The following DNAH6 variants were observed in gnomAD, a reference collection of about 807,000 sequenced individuals.
DNAH6 encodes the protein axonemal beta dynein heavy chain 6.
DNAH6 carries 340 observed loss-of-function variants against 491.4 expected under a neutral mutation model. That is an observed-to-expected ratio of 0.69 (90% CI 0.63 to 0.76). The LOEUF is 0.76. DNAH6 is among the 30% of genes least tolerant of loss of function. DNAH6 has a pLI of 0.00. For synonymous variants in DNAH6, 1,603 were observed against 1,686.1 expected, an observed-to-expected ratio of 0.95 and a Z score of 1.21; for missense variants, 4,443 against 4,972.2, an observed-to-expected ratio of 0.89 and a Z score of 3.20.
chr2:84,573,686 T>C, intron 12 of DNAH6, 99 bp downstream of exon 12: 1 of 1,082,874 alleles, frequency 9.2e-7, no homozygotes, highest in Non-Finnish European at 1.3e-6. Context: ...ACACAAATGG[T>C]AGCCCAAAAG....
chr2:84,460,525 A>C, the DNAH6 span, among the ~76,000 whole-genome samples: 3 of 152,258 alleles, frequency 2.0e-5, no homozygotes, highest in Non-Finnish European at 4.4e-5. Flanking sequence ...CATGATGACA[A>C]AAAATATAAT....
intron 68 of DNAH6, among the ~76,000 whole-genome samples, chr2:84,790,439 G>A (rs1677627918): frequency 6.6e-6 from 1 of 152,078 alleles, no homozygotes; most frequent in African/African-American, 2.4e-5. Flanking sequence ...CATCAAGAAA[G>A]TGAAAAGGCA....
chr2:84,518,481 A>G (rs1291737090), intron 2 of DNAH6, among the ~76,000 whole-genome samples: 2 of 152,244 alleles, frequency 1.3e-5, no homozygotes, highest in Non-Finnish European at 2.9e-5. Context: ...ATTTTTAGAA[A>G]CCATTTATGC....
At chr2:84,585,565 G>A (rs556348596) in intron 15 of DNAH6, among the ~76,000 whole-genome samples, 1 of 152,068 alleles carries the variant, frequency 6.6e-6, no homozygotes, top group Non-Finnish European at 1.5e-5. Context: ...CTCTCTGCAG[G>A]CAGGTTGTCC....
chr2:84,771,569 A>C (rs1675625131), intron 64 of DNAH6, among the ~76,000 whole-genome samples: 1 of 152,224 alleles, frequency 6.6e-6, no homozygotes, highest in Non-Finnish European at 1.5e-5. Flanking sequence ...TAATCCTGAA[A>C]GCAGCAAGAG....
intron 33 of DNAH6, among the ~76,000 whole-genome samples, chr2:84,642,855 T>G (rs1225951050): frequency 2.0e-5 from 3 of 152,184 alleles, no homozygotes; most frequent in Non-Finnish European, 4.4e-5. Context: ...CAGGCATATA[T>G]AATCAAATAC....
chr2:84,585,421 G>A (rs1391776777), intron 15 of DNAH6, among the ~76,000 whole-genome samples: 2 of 152,190 alleles, frequency 1.3e-5, no homozygotes, highest in Non-Finnish European at 2.9e-5. Flanking sequence ...TGGAGGGTGA[G>A]CAAGATGAAG....
At chr2:84,649,534 A>T (rs1458563963) in intron 33 of DNAH6, among the ~76,000 whole-genome samples, 2 of 152,038 alleles carry the variant, frequency 1.3e-5, no homozygotes, top group South Asian at 4.1e-4. Context: ...TTCCAGAGGG[A>T]TATTTCCCCT....
At chr2:84,642,191 G>A (rs1689479726) in intron 33 of DNAH6, 137 bp downstream of exon 33, 4 of 648,114 alleles carry the variant, frequency 6.2e-6, no homozygotes, top group Admixed American at 5.9e-5. Context: ...TGCAGTTTAA[G>A]AAATACTCAT....
At chr2:84,524,390 T>C (rs970168060) in intron 2 of DNAH6, among the ~76,000 whole-genome samples, 2 of 151,864 alleles carry the variant, frequency 1.3e-5, no homozygotes, top group Non-Finnish European at 2.9e-5. Context: ...TTGGGTCTTG[T>C]TTTTTTAATC....
intron 62 of DNAH6, among the ~76,000 whole-genome samples, chr2:84,735,365 G>A (rs79110598): frequency 0.037 from 5,649 of 152,214 alleles, 122 homozygotes; most frequent in Middle Eastern, 0.092. Flanking sequence ...ACATGAGTGC[G>A]GGTGTGTTTT....
At chr2:84,708,244 C>T (rs1696662867) in intron 54 of DNAH6, among the ~76,000 whole-genome samples, 1 of 151,694 alleles carries the variant, frequency 6.6e-6, no homozygotes, top group African/African-American at 2.4e-5. Flanking sequence ...TCAAGAGCAG[C>T]CTGGCCAACA....
At chr2:84,499,887 GTTT>G in the DNAH6 span, among the ~76,000 whole-genome samples, 1 of 147,514 alleles carries the variant, frequency 6.8e-6, no homozygotes, top group African/African-American at 2.5e-5. Flanking sequence ...CAGGTTATTA[GTTT>G]TTTTTTTTTT....
upstream of DNAH6, among the ~76,000 whole-genome samples, chr2:84,514,861 C>CACA (rs1553405923): frequency 2.3e-5 from 1 of 43,572 alleles, no homozygotes; most frequent in African/African-American, 1.1e-4. Context: ...CCCCACTTCA[C>CACA]CACAGTCACA....
chr2:84,654,008 G>A, intron 34 of DNAH6, 134 bp downstream of exon 34: 1 of 710,912 alleles, frequency 1.4e-6, no homozygotes, highest in Non-Finnish European at 2.2e-6. Context: ...TACTTATTAA[G>A]TCATCCTTTT....
intron 70 of DNAH6, 140 bp from the exon 71 acceptor site, chr2:84,805,525 C>A: frequency 9.7e-6 from 7 of 720,762 alleles, no homozygotes; most frequent in East Asian, 6.5e-5. Flanking sequence ...GTTAATTGTT[C>A]TTACCACAAT....
At chr2:84,495,854 G>C in the DNAH6 span, among the ~76,000 whole-genome samples, 1 of 152,198 alleles carries the variant, frequency 6.6e-6, no homozygotes, top group Admixed American at 6.5e-5. Context: ...TCTTTGAGAG[G>C]TGATTGGTCA....
At chr2:84,501,896 T>C in the DNAH6 span, among the ~76,000 whole-genome samples, 1 of 152,028 alleles carries the variant, frequency 6.6e-6, no homozygotes, top group South Asian at 2.1e-4. Flanking sequence ...TTTCTGATCT[T>C]ACTTATTGGG....
In DNAH6 at chr2:84,705,721, A is replaced by G. The variant is rs1293612069; in HGVS notation, c.8701A>G (p.Lys2901Glu). ...YSRVVKVVEP[K>E]RQKLRAAQAE... Reference sequence around the variant, plus strand: ...TCGAGTGGTCAAGGTCGTCGAACCAAAAAGACAAAAGCTCCGCGCCGCACA... The same window carrying G: ...TCGAGTGGTCAAGGTCGTCGAACCAGAAAGACAAAAGCTCCGCGCCGCACA... The change falls in exon 52 of 77, where the codon AAA becomes GAA. Residue 2901 changes from lysine (K) to glutamate (E), a missense_variant. Transcript: ENST00000389394. 1 of 1,550,814 alleles carries G rather than the reference A, an allele frequency of 6.4e-7. No individual in the cohort carries two copies. Among genetic ancestry groups the G allele is most frequent in the East Asian group, 2.4e-5 (1 of 40,900 alleles).
Sources: gnomAD v4.1 joint callset for allele counts (sites outside exome capture counted in the v4.1 genomes callset) on GRCh38, gnomAD v4.1.1 for gene constraint, MANE v1.5 for transcripts, NCBI Gene and HGNC (gene_info 2026-07-23, HGNC 2026-07-21) for gene names.